REV1: variants seen among roughly 807,000 people sequenced by gnomAD.
REV1 encodes translesion synthesis protein REV1.
REV1 carries 42 observed loss-of-function variants against 137.4 expected under a neutral mutation model. That is an observed-to-expected ratio of 0.31 (90% confidence interval 0.24 to 0.40). The LOEUF (loss-of-function observed/expected upper bound fraction) is 0.40. REV1 is among the 10% of genes least tolerant of loss of function. The pLI, the probability that REV1 is intolerant of heterozygous loss-of-function variation, is 1.00. For missense variants in REV1, 1,282 were observed against 1,490.1 expected (o/e 0.86, Z 2.30); for synonymous variants, 524 against 519.2 (o/e 1.01, Z -0.12).
intron 17 of REV1, 34 bp downstream of exon 17, chr2:99,405,876 A>G (rs375510150): frequency 5.1e-5 from 70 of 1,371,294 alleles, no homozygotes; most frequent in Admixed American, 2.4e-5. Flanking sequence ...TAGGAGTATA[A>G]AATGTACTTA....
chr2:99,447,663 A>G (rs908171441), intron 4 of REV1, among the ~76,000 whole-genome samples: 1 of 152,030 alleles, frequency 6.6e-6, no homozygotes, highest in Non-Finnish European at 1.5e-5. Flanking sequence ...CAGCAGGCAG[A>G]TATTAGCCTT....
intron 6 of REV1, among the ~76,000 whole-genome samples, chr2:99,437,651 A>T (rs927226369): frequency 1.3e-5 from 2 of 152,232 alleles, no homozygotes; most frequent in African/African-American, 4.8e-5. Context: ...CTTTCATACA[A>T]TAACAAAATT....
In REV1 at chr2:99,403,861, A is replaced by G. The variant is rs779591880; in HGVS notation, c.3046-46T>C. 1.6e-5 allele frequency: 26 copies of G among 1,602,512 alleles called. No homozygotes were observed. In the South Asian group the frequency reaches 1.7e-4, roughly 10 times the overall value. Reference sequence around the variant, plus strand: ...AAAGTCAAACCTGAGCTAATTGTAGATGGTAGCTGGTTTCTCTTTTTCACA... The same window carrying G: ...AAAGTCAAACCTGAGCTAATTGTAGGTGGTAGCTGGTTTCTCTTTTTCACA... On this transcript the variant is annotated intron_variant, in intron 18 of 22. Transcript: ENST00000258428.
Position 99,403,092 on chromosome 2 carries a change from A to T in REV1, c.3181T>A (p.Leu1061Ile), listed in dbSNP as rs1035515003. 1 of 1,607,460 alleles carries T rather than the reference A, an allele frequency of 6.2e-7. No homozygotes were observed. ...TTCACTGCTGCCTTTAGATGAAGTAAAGGATTCTTTGGCACTAAGAGCAGA... is the reference window on the plus strand; with the variant it reads ...TTCACTGCTGCCTTTAGATGAAGTATAGGATTCTTTGGCACTAAGAGCAGA... ...SASASVPKNP[L>I]LHLKAAVKEK... Residue 1061 changes from leucine to isoleucine, a missense_variant, in exon 20 of 23, where the codon TTA becomes ATA. Around this residue, in one of 7 missense-constraint regions of REV1, gnomAD observed 170 missense variants for 156.8 expected, o/e 1.08. Transcript: ENST00000258428.
At chr2:99,424,439 G>T in intron 9 of REV1, 159 bp from the exon 10 acceptor site, 1 of 768,934 alleles carries the variant, frequency 1.3e-6, no homozygotes, top group Non-Finnish European at 2.0e-6. Flanking sequence ...TTACAGCCTT[G>T]TTTTCCCCCA....
intron 6 of REV1, among the ~76,000 whole-genome samples, chr2:99,437,873 C>T (rs190609030): frequency 2.6e-5 from 4 of 152,094 alleles, no homozygotes; most frequent in African/African-American, 9.6e-5. Flanking sequence ...AGAAAACACC[C>T]CACATAGAGT....
At chr2:99,451,491 T>C in intron 3 of REV1, 2 of 1,303,904 alleles carry the variant, frequency 1.5e-6, no homozygotes, top group South Asian at 1.2e-5. Context: ...AAGTGAAGCA[T>C]GAAAACCAAT....
chr2:99,429,207 G>A (rs941396601), intron 9 of REV1, among the ~76,000 whole-genome samples: 4 of 151,838 alleles, frequency 2.6e-5, no homozygotes, highest in African/African-American at 7.3e-5. Context: ...ATTTCAAAAC[G>A]GTTTTTTAAA....
At chr2:99,434,561 C>T in intron 7 of REV1, 113 bp from the exon 8 acceptor site, 1 of 536,344 alleles carries the variant, frequency 1.9e-6, no homozygotes. Context: ...TTTAGCTTTA[C>T]TTAGACATTA....
intron 14 of REV1, 53 bp from the exon 15 acceptor site, chr2:99,408,184 G>C: frequency 1.0e-6 from 1 of 993,364 alleles, no homozygotes; most frequent in Non-Finnish European, 1.5e-6. Context: ...GTATTCACTA[G>C]TACTAAAGTA....
chr2:99,432,849 A>G (rs1680290196), intron 8 of REV1, among the ~76,000 whole-genome samples: 1 of 152,232 alleles, frequency 6.6e-6, no homozygotes, highest in Non-Finnish European at 1.5e-5. Context: ...GTACTGTGTT[A>G]ATAAGCCATT....
chr2:99,488,208 GACA>G (rs1185071639), intron 1 of REV1, among the ~76,000 whole-genome samples: 2 of 118,856 alleles, frequency 1.7e-5, no homozygotes, highest in Non-Finnish European at 3.7e-5. Context: ...TGCTGGTGAG[GACA>G]ACGTTTCCTT....
intron 3 of REV1, 42 bp downstream of exon 3, chr2:99,462,453 TA>T: frequency 6.4e-7 from 1 of 1,553,882 alleles, no homozygotes; most frequent in Non-Finnish European, 8.7e-7. Context: ...TCAATCCTAA[TA>T]AAAATACATG....
intron 1 of REV1, among the ~76,000 whole-genome samples, chr2:99,465,624 G>C (rs1684706434): frequency 6.6e-6 from 1 of 152,216 alleles, no homozygotes; most frequent in African/African-American, 2.4e-5. Context: ...AGCTGGCTCA[G>C]TGGCTAGCAA....
Position 99,424,154 on chromosome 2 carries a change from T to A in REV1, c.1674A>T (p.Ala558=). Reference sequence around the variant, plus strand: ...AATGACAGTTTGATACACTGTACCTTGCCAATGTTTCATACAATGTTTGTG... The same window carrying A: ...AATGACAGTTTGATACACTGTACCTAGCCAATGTTTCATACAATGTTTGTG... ...EVAQTLYETL[A]SYTHNIEAVS... Residue 558 remains alanine, a splice_region_variant and synonymous_variant, in exon 10 of 23, where the codon GCA becomes GCT. Transcript: ENST00000258428. 1 of 1,613,754 alleles carries A rather than the reference T, an allele frequency of 6.2e-7. No homozygotes were observed. Among genetic ancestry groups the A allele is most frequent in the Non-Finnish European group, 8.5e-7 (1 of 1,179,802 alleles).
chr2:99,488,773 T>C (rs543418879), intron 1 of REV1, among the ~76,000 whole-genome samples: 1 of 152,232 alleles, frequency 6.6e-6, no homozygotes, highest in South Asian at 2.1e-4. Context: ...GGTCCTACCC[T>C]ACCTAAACAG....
At chr2:99,409,194 A>G (rs1415176541) in intron 14 of REV1, among the ~76,000 whole-genome samples, 1 of 152,276 alleles carries the variant, frequency 6.6e-6, no homozygotes, top group Admixed American at 6.5e-5. Context: ...GTAGGTAAAT[A>G]TAATTCAAGA....
At position 99,439,087 on chromosome 2, in the gene REV1, C is replaced by T. The variant is rs780286109; in HGVS notation, c.727G>A (p.Val243Met). The change falls in exon 6 of 23, where the codon GTG (valine) becomes ATG (methionine). Residue 243 changes from valine (V) to methionine (M), a missense_variant. Physicochemically the swap from Val to Met is conservative, Grantham distance 21 (BLOSUM62 1). Transcript: ENST00000258428. ...NGALKTQDCL[V>M]PMVNSVASRL... ...CTGGCAACACTGTTGACCATGGGCA[C>T]CAAGCAATCCTGTGTCTTTAAGGCA... 6.2e-7 allele frequency: 1 copy of T among 1,614,050 alleles called. No homozygotes were observed. The highest frequency in any genetic ancestry group is 1.1e-5 in the South Asian group (1 of 91,066).
In REV1 at chr2:99,402,939, A is replaced by G; in HGVS notation, c.3334T>C (p.Leu1112=). Residue 1112 remains leucine, a synonymous_variant, in exon 20 of 23, where the codon TTA becomes CTA. Coordinates refer to ENST00000258428, the MANE Select transcript of REV1 (RefSeq NM_016316.4). ...LPGACGSPQK[L]IDGFLKHEGP... is the part of the protein sequence containing the mutation. ...TCATGTTTTAGAAACCCATCAATTA[A>G]CTTCTGGGGACTGCCACAGGCCCCT... The G allele has an allele frequency of 6.2e-7, 1 of 1,614,166 alleles. No individual in the cohort carries two copies. Among genetic ancestry groups the G allele is most frequent in the East Asian group, 2.2e-5 (1 of 44,886 alleles).
Sources: gnomAD v4.1 joint callset for allele counts (sites outside exome capture counted in the v4.1 genomes callset) on GRCh38, gnomAD v4.1.1 for gene constraint, gnomAD v4.1.1 regional missense constraint, MANE v1.5 for transcripts, NCBI Gene and HGNC (gene_info 2026-07-23, HGNC 2026-07-21) for gene names.